The following LYST variants were observed in gnomAD, a reference collection of about 807,000 sequenced individuals.
LYST encodes the protein lysosomal-trafficking regulator.
Under a neutral mutation model 413.6 loss-of-function variants are expected in LYST, and 192 were observed. The observed-to-expected ratio is 0.46, with a 90% CI of 0.41 to 0.52. The LOEUF is 0.52. LYST is among the 20% of genes least tolerant of loss of function. The pLI is 0.00. For synonymous variants in LYST, 1,525 were observed against 1,567.3 expected (o/e 0.97, Z 0.64); for missense variants, 3,815 against 4,499.9 (o/e 0.85, Z 4.35).
intron 47 of LYST, among the ~76,000 whole-genome samples, chr1:235,689,542 G>A (rs1660488944): frequency 1.3e-5 from 2 of 152,190 alleles, no homozygotes; most frequent in Admixed American, 1.3e-4. Context: ...ACAGGTTTCA[G>A]TTGTGCAGGA....
chr1:235,774,336 G>C (rs1368320284), intron 18 of LYST, among the ~76,000 whole-genome samples: 1 of 152,190 alleles, frequency 6.6e-6, no homozygotes, highest in Non-Finnish European at 1.5e-5. Context: ...GGATCTTGCA[G>C]TTTAAAGAAG....
intron 1 of LYST, among the ~76,000 whole-genome samples, chr1:235,873,507 A>C (rs889743736): frequency 6.6e-6 from 1 of 152,240 alleles, no homozygotes; most frequent in Admixed American, 6.5e-5. Flanking sequence ...AATCATTAGT[A>C]ATTGACAGAC....
At position 235,697,235 on chromosome 1, in the gene LYST, T is replaced by TC; in HGVS notation, c.10411dup (p.Glu3471GlyfsTer48). ...TGGAGCACTGGGGGAACCCACGTAT[T>TC]CCCCCCATTTCAAGCCTTTTATCCA... On this transcript the variant is annotated frameshift_variant, in exon 46 of 53. Coordinates refer to ENST00000389793, the MANE Select transcript of LYST (RefSeq NM_000081.4). LOFTEE classifies it high-confidence loss of function. The TC allele has an allele frequency of 6.2e-7, 1 of 1,613,818 alleles. No individual in the cohort carries two copies.
At chr1:235,877,855 C>CAG (rs571078852) in intron 1 of LYST, among the ~76,000 whole-genome samples, 1 of 113,520 alleles carries the variant, frequency 8.8e-6, no homozygotes, top group African/African-American at 3.5e-5. Context: ...TATCTGCCAC[C>CAG]AAAAAAAAAA....
intron 16 of LYST, among the ~76,000 whole-genome samples, chr1:235,778,752 C>A (rs1212831015): frequency 6.6e-6 from 1 of 151,920 alleles, no homozygotes; most frequent in African/African-American, 2.4e-5. Context: ...CCAGCTAAAC[C>A]AATTATACTG....
chr1:235,695,629 A>ATTTTTTT lies in LYST; in HGVS notation c.10564+1447_10564+1453dup, dbSNP rs148101450. The stretch of plus-strand genomic sequence containing the variant: ...CAGAGAGAAACTTTACAGTACTCTA[A>ATTTTTTT]TTTTTTTTTTTTTTTTTTTTTGAGA... On this transcript the variant is annotated intron_variant, in intron 46 of 52. Coordinates refer to ENST00000389793, the MANE Select transcript of LYST (RefSeq NM_000081.4). Among the ~76,000 whole-genome samples, 46 of 116,416 alleles carry ATTTTTTT rather than the reference A, an allele frequency of 4.0e-4. 4 individuals carry two copies. Among genetic ancestry groups the ATTTTTTT allele is most frequent in the African/African-American group, 1.5e-3 (45 of 29,536 alleles). 76.4% of individuals were successfully genotyped at this position (116,416 alleles called of 152,430 possible).
chr1:235,730,645 T>G (rs1299240244), intron 36 of LYST, among the ~76,000 whole-genome samples: 1 of 150,708 alleles, frequency 6.6e-6, no homozygotes, highest in Non-Finnish European at 1.5e-5. Context: ...CAGAACATGA[T>G]GACTGAAATC....
Position 235,772,571 on chromosome 1 carries a change from G to A in LYST, c.5784+1271C>T, listed in dbSNP as rs76028365. On this transcript the variant is annotated intron_variant, in intron 19 of 52. Coordinates refer to ENST00000389793, the MANE Select transcript of LYST (RefSeq NM_000081.4). ...AACCCTATACTCATTCCCTGACTGG[G>A]TCCTTGTGAAGACAAGCCCAGCCAT... is the stretch of plus-strand genomic sequence containing the variant. Among the ~76,000 whole-genome samples the A allele has an allele frequency of 6.6e-3, 997 of 152,204 alleles. 12 individuals are homozygous for A. The highest frequency in any genetic ancestry group is 7.4e-3 in the Non-Finnish European group (505 of 68,000).
At chr1:235,742,751 T>C (rs1228106501) in intron 30 of LYST, among the ~76,000 whole-genome samples, 2 of 151,656 alleles carry the variant, frequency 1.3e-5, no homozygotes, top group Non-Finnish European at 2.9e-5. Context: ...GGATTCATAA[T>C]AAAGACTTGA....
At chr1:235,723,503 C>A (rs1663580015) in intron 39 of LYST, among the ~76,000 whole-genome samples, 1 of 151,936 alleles carries the variant, frequency 6.6e-6, no homozygotes, top group Non-Finnish European at 1.5e-5. Flanking sequence ...ACCCAGAAGC[C>A]CAGGGAGGAA....
At chr1:235,788,014 G>A (rs2103507594) in intron 13 of LYST, among the ~76,000 whole-genome samples, 1 of 152,212 alleles carries the variant, frequency 6.6e-6, no homozygotes, top group South Asian at 2.1e-4. Context: ...AATATATAAT[G>A]CACATGGAAA....
intron 1 of LYST, among the ~76,000 whole-genome samples, chr1:235,882,813 C>G (rs1681434993): frequency 6.6e-6 from 1 of 152,156 alleles, no homozygotes; most frequent in Non-Finnish European, 1.5e-5. Context: ...CCACATGAGT[C>G]CATCTGCACA....
chr1:235,780,772 A>G (rs1669786066), intron 16 of LYST, 93 bp downstream of exon 16: 2 of 479,820 alleles, frequency 4.2e-6, no homozygotes, highest in Admixed American at 8.3e-5. Flanking sequence ...ACCACATTAA[A>G]ATCTTTAGAA....
chr1:235,826,808 A>C (rs541288090), intron 3 of LYST, among the ~76,000 whole-genome samples: 42 of 152,144 alleles, frequency 2.8e-4, no homozygotes, highest in African/African-American at 9.6e-4. Flanking sequence ...CAGCCTCCTG[A>C]GTAGCTGGGA....
In LYST at chr1:235,751,992, A is replaced by C. The variant is rs1261262681; in HGVS notation, c.7627+13T>G. ...ACAACTCCCTCCCCAAATTCATAAAAATTAAATCTTACTTTGTGTCCTCTT... is the reference window on the plus strand; with the variant it reads ...ACAACTCCCTCCCCAAATTCATAAACATTAAATCTTACTTTGTGTCCTCTT... On this transcript the variant is annotated intron_variant, in intron 27 of 52. Coordinates refer to ENST00000389793, the MANE Select transcript of LYST (RefSeq NM_000081.4). 1 of 1,592,702 alleles carries C rather than the reference A, an allele frequency of 6.3e-7. No homozygotes were observed.
chr1:235,713,267 G>C, intron 42 of LYST: 1 of 840,298 alleles, frequency 1.2e-6, no homozygotes, highest in Non-Finnish European at 1.4e-6. Context: ...AGTAGAAAAA[G>C]TTATCAATCA....
intron 34 of LYST, 34 bp downstream of exon 34, chr1:235,733,469 G>A: frequency 6.3e-7 from 1 of 1,577,338 alleles, no homozygotes; most frequent in Non-Finnish European, 8.7e-7. Flanking sequence ...AAATCTTCAT[G>A]GAAGACAATT....
intron 47 of LYST, among the ~76,000 whole-genome samples, chr1:235,690,453 T>C (rs975575108): frequency 8.5e-5 from 13 of 152,210 alleles, no homozygotes; most frequent in African/African-American, 3.1e-4. Flanking sequence ...TGTGTTTGGA[T>C]ATATATATTT....
chr1:235,684,011 T>A (rs1346448083), intron 48 of LYST, among the ~76,000 whole-genome samples: 1 of 152,144 alleles, frequency 6.6e-6, no homozygotes, highest in Non-Finnish European at 1.5e-5. Context: ...TACCTAATAC[T>A]TAGGTGGAAA....
Sources: gnomAD v4.1 joint callset for allele counts (sites outside exome capture counted in the v4.1 genomes callset) on GRCh38, gnomAD v4.1.1 for gene constraint, MANE v1.5 for transcripts, NCBI Gene and HGNC (gene_info 2026-07-23, HGNC 2026-07-21) for gene names.